The following CABP2 variants were observed in gnomAD, a reference collection of about 807,000 sequenced individuals.
CABP2 encodes the protein calcium binding protein 2, also known as calcium-binding protein 2.
CABP2 carries 25 observed loss-of-function variants against 28.6 expected under a neutral mutation model. That is an observed-to-expected ratio of 0.87 (90% CI 0.64 to 1.22). The LOEUF is 1.22. CABP2 is among the 50% of genes most tolerant of loss of function. CABP2 has a pLI of 0.00. For synonymous variants in CABP2, 138 were observed against 126.0 expected (o/e 1.09, Z -0.64); for missense variants, 310 against 312.2 (o/e 0.99, Z 0.05).
chr11:67,522,118 GC>G (rs1417362744), intron 2 of CABP2, 136 bp from the exon 3 acceptor site: 1 of 807,922 alleles, frequency 1.2e-6, no homozygotes, highest in African/African-American at 1.7e-5. Flanking sequence ...TGATTGCTCG[GC>G]CCTGGTTCCC....
chr11:67,520,729 G>A (rs898835008), intron 4 of CABP2, among the ~76,000 whole-genome samples: 13 of 152,326 alleles, frequency 8.5e-5, no homozygotes, highest in African/African-American at 3.1e-4. Context: ...TAATTTTCCT[G>A]AACTCTTCGG....
rs1475736056 is a variant in CABP2, at chr11:67,522,000, G to C, written c.214-18C>G. On this transcript the variant is annotated intron_variant, in intron 2 of 6. Transcript: ENST00000294288. ...TCCCGGTCCTGAAGGGCACAGAGGG[G>C]TTAGGAATTCCCTGCTCCTACTGAT... 1.9e-6 allele frequency: 3 copies of C among 1,610,722 alleles called. No individual in the cohort carries two copies. The Middle Eastern group carries it at 5.0e-4, about 266-fold the overall frequency.
At position 67,519,083 on chromosome 11, in the gene CABP2, T is replaced by C; in HGVS notation, c.*56A>G. 2 of 1,592,626 alleles carry C rather than the reference T, an allele frequency of 1.3e-6. No homozygotes were observed. The highest frequency in any genetic ancestry group is 4.5e-5 in the East Asian group (2 of 44,772). On this transcript the variant is annotated 3_prime_UTR_variant, in exon 7 of 7. Transcript: ENST00000294288. ...CGATGGGCTTCAAGGAACATGCTGG[T>C]GGGCAGAGGCTGTGGTCCTTGAGTC...
chr11:67,522,168 C>G (rs1055759212), intron 2 of CABP2, among the ~76,000 whole-genome samples, 186 bp from the exon 3 acceptor site: 1 of 152,162 alleles, frequency 6.6e-6, no homozygotes, highest in African/African-American at 2.4e-5. Context: ...CCGGGTGCCC[C>G]CTTCCCTGCT....
intron 6 of CABP2, 39 bp downstream of exon 6, chr11:67,519,754 C>T: frequency 6.2e-7 from 1 of 1,605,566 alleles, no homozygotes. Context: ...CTGCTAGGAC[C>T]CTTCCAGGGC....
At chr11:67,519,516 G>A (rs1866709924) in intron 6 of CABP2, among the ~76,000 whole-genome samples, 1 of 152,182 alleles carries the variant, frequency 6.6e-6, no homozygotes, top group Non-Finnish European at 1.5e-5. Flanking sequence ...CAGCATAGAG[G>A]AAGAGCTGGG....
Position 67,521,050 on chromosome 11 carries a change from C to T in CABP2, c.354G>A (p.Glu118=). 3.7e-6 allele frequency: 6 copies of T among 1,614,004 alleles called. No homozygotes were observed. The highest frequency in any genetic ancestry group is 5.1e-6 in the Non-Finnish European group (6 of 1,179,972). ...TGATTTGTTGTGAGATCTCGATGAG[C>T]TCCATCTCGGTGGGCATGTAGCCCA... ...RTLGYMPTEM[E]LIEISQQISG... Residue 118 remains glutamate (E), a synonymous_variant, in exon 4 of 7, where the codon GAG becomes GAA. Coordinates refer to ENST00000294288, the MANE Select transcript of CABP2 (RefSeq NM_016366.3).
At position 67,523,418 on chromosome 11, in the gene CABP2, G is replaced by T; in HGVS notation, c.-92C>A. The T allele has an allele frequency of 2.8e-6, 4 of 1,440,214 alleles. No individual in the cohort carries two copies. Among genetic ancestry groups the T allele is most frequent in the Non-Finnish European group, 3.7e-6 (4 of 1,090,518 alleles). 89.2% of individuals were successfully genotyped at this position (1,440,214 alleles called of 1,614,324 possible). On this transcript the variant is annotated 5_prime_UTR_variant, in exon 1 of 7. The change creates a new upstream start codon in the 5' untranslated region. Transcript: ENST00000294288. ...GCCTGAGGACTCCTGCCAGCCCCCA[G>T]CTGCTCCCGATGAGAGCCTGGGAGT...
In CABP2 at chr11:67,519,172, G is replaced by A; in HGVS notation, c.638-8C>T. The A allele has an allele frequency of 6.2e-7, 1 of 1,614,012 alleles. No homozygotes were observed. Among genetic ancestry groups the A allele is most frequent in the Non-Finnish European group, 8.5e-7 (1 of 1,179,984 alleles). On this transcript the variant is annotated splice_region_variant and splice_polypyrimidine_tract_variant and intron_variant, in intron 6 of 6. Transcript: ENST00000294288. ...ACATCATTCGCACAAACTCTGCCAG[G>A]ACGAAGCCAAGGTTTTGGGTCTGTT...
intron 3 of CABP2, among the ~76,000 whole-genome samples, 164 bp downstream of exon 3, chr11:67,521,788 C>T (rs760297655): frequency 2.2e-4 from 34 of 152,108 alleles, no homozygotes; most frequent in Admixed American, 1.2e-3. Flanking sequence ...CCTGCTCAGT[C>T]TTGTCCCCAT....
chr11:67,523,361 G>T lies in CABP2; in HGVS notation c.-35C>A. 4 of 1,534,456 alleles carry T rather than the reference G, an allele frequency of 2.6e-6. 1 individual carries two copies. In the South Asian group the frequency reaches 4.8e-5, roughly 19 times the overall value. ...ACCATGCCAGGCCTGGAACCCCGGGGGTGGCCCGGGTGGGCCTCGGCGGAT... is the reference window on the plus strand; with the variant it reads ...ACCATGCCAGGCCTGGAACCCCGGGTGTGGCCCGGGTGGGCCTCGGCGGAT... On this transcript the variant is annotated 5_prime_UTR_variant, in exon 1 of 7. Transcript: ENST00000294288.
rs778047665 is a variant in CABP2, at chr11:67,520,012, A to T, written c.489+39T>A. Reference sequence around the variant, plus strand: ...ACGCGCAGCCCCTCACTCACGGCAGACACGCAGCCCTGCCCGCCCTCAGCC... The same window carrying T: ...ACGCGCAGCCCCTCACTCACGGCAGTCACGCAGCCCTGCCCGCCCTCAGCC... On this transcript the variant is annotated intron_variant, in intron 5 of 6. Coordinates refer to ENST00000294288, the MANE Select transcript of CABP2 (RefSeq NM_016366.3). The T allele has an allele frequency of 6.9e-6, 11 of 1,601,962 alleles. No individual in the cohort carries two copies. In the East Asian group the frequency reaches 2.0e-4, roughly 29 times the overall value.
Position 67,520,048 on chromosome 11 carries a change from C to T in CABP2, c.489+3G>A, listed in dbSNP as rs1043567267. ...TGCCCGCCCTCAGCCCCAGTGGCCG[C>T]ACCTCCCGGAAGGCGTCCCGTAGCT... On this transcript the variant is annotated splice_donor_region_variant and intron_variant, in intron 5 of 6. Transcript: ENST00000294288. The T allele has an allele frequency of 1.9e-6, 3 of 1,611,292 alleles. No individual in the cohort carries two copies. Among genetic ancestry groups the T allele is most frequent in the Non-Finnish European group, 2.5e-6 (3 of 1,179,524 alleles).
rs371462785 is a variant in CABP2 at position 67,520,156 on chromosome 11, G to A, written c.384C>T (p.Gly128=). The change falls in exon 5 of 7, where the codon GGC becomes GGT. Residue 128 remains glycine (G), a synonymous_variant. Coordinates refer to ENST00000294288, the MANE Select transcript of CABP2 (RefSeq NM_016366.3). ...ELIEISQQIS[G]GKVDFEDFVE... is the part of the protein sequence containing the mutation. Reference sequence around the variant, plus strand: ...CGAAGTCTTCAAAGTCCACCTTTCCGCCACCTGGGGGTCCCGTCCATTACA... The same window carrying A: ...CGAAGTCTTCAAAGTCCACCTTTCCACCACCTGGGGGTCCCGTCCATTACA... The A allele has an allele frequency of 1.6e-5, 25 of 1,610,322 alleles. No homozygotes were observed. The highest frequency in any genetic ancestry group is 8.0e-5 in the African/African-American group (6 of 74,832).
chr11:67,522,386 C>T (rs1375744362), intron 2 of CABP2, among the ~76,000 whole-genome samples, 160 bp downstream of exon 2: 1 of 152,220 alleles, frequency 6.6e-6, no homozygotes, highest in Non-Finnish European at 1.5e-5. Context: ...ATCTGTGTAC[C>T]TTTGCTCTGA....
intron 4 of CABP2, among the ~76,000 whole-genome samples, chr11:67,520,808 G>A (rs1035898345): frequency 3.3e-5 from 5 of 152,234 alleles, no homozygotes; most frequent in African/African-American, 9.6e-5. Flanking sequence ...CCATTCAGTT[G>A]CCTCATCTGC....
intron 1 of CABP2, 123 bp downstream of exon 1, chr11:67,523,162 T>C (rs1405371157): frequency 4.1e-6 from 3 of 738,036 alleles, no homozygotes; most frequent in Non-Finnish European, 6.6e-6. Flanking sequence ...GAAAAAAATC[T>C]CCACCTGGGG....
intron 1 of CABP2, 128 bp from the exon 2 acceptor site, chr11:67,522,844 G>C (rs193271194): frequency 2.4e-6 from 2 of 830,492 alleles, no homozygotes; most frequent in Admixed American, 3.0e-5. Context: ...AAGGGGCTGG[G>C]GGGTAGAGAG....
chr11:67,519,715 GT>G (rs1488232998), intron 6 of CABP2, 77 bp downstream of exon 6: 6 of 1,436,116 alleles, frequency 4.2e-6, no homozygotes, highest in Non-Finnish European at 5.8e-6. Context: ...CTGGTGCCCA[GT>G]GGTGACTCTT....
Sources: allele counts gnomAD v4.1 joint callset (sites outside exome capture counted in the v4.1 genomes callset), GRCh38; gene constraint gnomAD v4.1.1; transcripts MANE v1.5; gene names NCBI Gene and HGNC (gene_info 2026-07-23, HGNC 2026-07-21).